The following ATXN7 variants were observed in gnomAD, a reference collection of about 807,000 sequenced individuals.
ATXN7 encodes ataxin 7.
In ATXN7, 12 loss-of-function variants were observed where a neutral mutation model predicts 70.5. The ratio of observed to expected loss-of-function variants is 0.17; its 90% CI spans 0.11 to 0.28. The LOEUF (loss-of-function observed/expected upper bound fraction) is 0.28. ATXN7 is among the 10% of genes least tolerant of loss of function. ATXN7 has a pLI of 1.00. For missense variants in ATXN7, 1,256 were observed against 1,131.7 expected, an observed-to-expected ratio of 1.11 and a Z score of -1.58; for synonymous variants, 498 against 448.7, an observed-to-expected ratio of 1.11 and a Z score of -1.39.
intron 1 of ATXN7, 143 bp from the exon 2 acceptor site, chr3:63,898,256 G>A (rs1575862389): frequency 6.6e-6 from 1 of 151,312 alleles, no homozygotes; most frequent in Non-Finnish European, 1.5e-5. Context: ...TAGTAAAATT[G>A]GTAAAATGTC....
chr3:63,925,468 T>C (rs1011198377), intron 4 of ATXN7, among the ~76,000 whole-genome samples: 6 of 152,142 alleles, frequency 3.9e-5, no homozygotes, highest in African/African-American at 1.4e-4. Flanking sequence ...CAAACTCTGT[T>C]GTGAACTGTC....
chr3:63,916,742 A>G (rs555709248), intron 4 of ATXN7, among the ~76,000 whole-genome samples: 1 of 152,378 alleles, frequency 6.6e-6, no homozygotes, highest in South Asian at 2.1e-4. Flanking sequence ...ATTTGGCACA[A>G]GTAGGCAAAT....
intron 1 of ATXN7, among the ~76,000 whole-genome samples, chr3:63,878,920 C>G (rs1259952752): frequency 6.6e-6 from 1 of 152,126 alleles, no homozygotes; most frequent in African/African-American, 2.4e-5. Context: ...TTTCCAGTGC[C>G]TTCTATTGGC....
At chr3:63,956,624 T>G (rs1363178756) in intron 5 of ATXN7, among the ~76,000 whole-genome samples, 1 of 152,086 alleles carries the variant, frequency 6.6e-6, no homozygotes, top group African/African-American at 2.4e-5. Flanking sequence ...ATCTGCATTC[T>G]AAACAGCTCC....
At chr3:63,973,132 T>C (rs1331729838) in intron 5 of ATXN7, among the ~76,000 whole-genome samples, 1 of 152,172 alleles carries the variant, frequency 6.6e-6, no homozygotes, top group Non-Finnish European at 1.5e-5. Flanking sequence ...GTCACCCAAT[T>C]AGTAACTGGC....
chr3:63,976,268 T>C (rs1412757093), intron 5 of ATXN7, among the ~76,000 whole-genome samples: 1 of 152,172 alleles, frequency 6.6e-6, no homozygotes, highest in East Asian at 1.9e-4. Flanking sequence ...CTACAATAAA[T>C]TTGGTTTTTC....
At chr3:63,916,072 G>A (rs1052816157) in intron 4 of ATXN7, among the ~76,000 whole-genome samples, 2 of 152,184 alleles carry the variant, frequency 1.3e-5, no homozygotes, top group Non-Finnish European at 2.9e-5. Flanking sequence ...GGGTTAGAAA[G>A]CCTGGATGTG....
chr3:63,986,405 A>G (rs1303960934), intron 8 of ATXN7, among the ~76,000 whole-genome samples: 1 of 152,176 alleles, frequency 6.6e-6, no homozygotes, highest in Non-Finnish European at 1.5e-5. Flanking sequence ...GGGAAAATGT[A>G]TCTGCCTGCT....
At chr3:63,902,161 C>T (rs924480592) in intron 2 of ATXN7, 1 of 152,158 alleles carries the variant, frequency 6.6e-6, no homozygotes, top group South Asian at 2.1e-4. Flanking sequence ...GTAAATCCAG[C>T]ACTTAGGGAG....
chr3:63,922,212 G>GT (rs1229548982), intron 4 of ATXN7, among the ~76,000 whole-genome samples: 1 of 151,796 alleles, frequency 6.6e-6, no homozygotes, highest in Admixed American at 6.6e-5. Context: ...GCTAATTTTT[G>GT]TATTTTGTTT....
At chr3:63,938,493 C>A (rs1471486237) in intron 4 of ATXN7, among the ~76,000 whole-genome samples, 1 of 152,152 alleles carries the variant, frequency 6.6e-6, no homozygotes, top group Non-Finnish European at 1.5e-5. Flanking sequence ...AAATCTCTCC[C>A]CTCCCCTTTC....
At position 63,980,014 on chromosome 3, in the gene ATXN7, C is replaced by G; in HGVS notation, c.599C>G (p.Ala200Gly). 6.2e-7 allele frequency: 1 copy of G among 1,614,162 alleles called. No homozygotes were observed. Among genetic ancestry groups the G allele is most frequent in the Non-Finnish European group, 8.5e-7 (1 of 1,180,024 alleles). Residue 200 changes from alanine (A) to glycine (G), a missense_variant, in exon 6 of 13, where the codon GCA becomes GGA. Coordinates refer to ENST00000674280, the MANE Select transcript of ATXN7 (RefSeq NM_001377405.1). ...CTGTCCAAAAGCAAAGGAGGCAGTG[C>G]AAGTGGAAGCAACCGTTCTTCCAGT... Reference protein sequence around the residue: ...PSLSKSKGGSASGSNRSSSGG... With the variant: ...PSLSKSKGGSGSGSNRSSSGG...
chr3:63,973,551 A>G (rs890109612), intron 5 of ATXN7, among the ~76,000 whole-genome samples: 1 of 152,122 alleles, frequency 6.6e-6, no homozygotes, highest in African/African-American at 2.4e-5. Context: ...TCTGCAAACC[A>G]GGGATGCCCG....
At chr3:63,921,263 A>G (rs764889191) in intron 4 of ATXN7, among the ~76,000 whole-genome samples, 3 of 152,184 alleles carry the variant, frequency 2.0e-5, no homozygotes, top group Non-Finnish European at 2.9e-5. Flanking sequence ...AACAGAAACT[A>G]TTTCCCTCCC....
intron 4 of ATXN7, among the ~76,000 whole-genome samples, chr3:63,935,365 C>T (rs934296165): frequency 6.6e-6 from 1 of 152,062 alleles, no homozygotes; most frequent in African/African-American, 2.4e-5. Context: ...AGTCTTATTT[C>T]CAAGATGCCT....
intron 6 of ATXN7, among the ~76,000 whole-genome samples, chr3:63,981,564 C>T (rs1205775636): frequency 2.0e-5 from 3 of 152,206 alleles, no homozygotes; most frequent in African/African-American, 7.2e-5. Flanking sequence ...GTTAATGGCA[C>T]AGGTATTCCC....
rs1373178389 is a variant in ATXN7 at position 63,863,953 on chromosome 3, G to GCCGCCC, written c.-311_-310insCCCGCC. The GCCGCCC allele has an allele frequency of 1.2e-5, 1 of 83,824 alleles. No individual in the cohort carries two copies. Among genetic ancestry groups the GCCGCCC allele is most frequent in the Admixed American group, 1.4e-4 (1 of 6,958 alleles). 5.2% of individuals were successfully genotyped at this position (83,824 alleles called of 1,614,324 possible). A position where few individuals can be genotyped will look rare whatever the true frequency, so the allele number is the denominator to read the frequency against. On this transcript the variant is annotated 5_prime_UTR_variant, in exon 1 of 13. Coordinates refer to ENST00000674280, the MANE Select transcript of ATXN7 (RefSeq NM_001377405.1). ...CGACGCCTGAGCCGCGCCGCGCCGC[G>GCCGCCC]CCGCCGCCGCCGCCGCCGCCGCCGC...
upstream of ATXN7, chr3:63,863,451 C>T (rs148334967): frequency 2.6e-4 from 292 of 1,137,344 alleles, no homozygotes; most frequent in African/African-American, 4.3e-3. Flanking sequence ...CGCTTCTAGC[C>T]GTCTCGGCCA....
intron 1 of ATXN7, among the ~76,000 whole-genome samples, chr3:63,870,885 G>C (rs1486799265): frequency 6.6e-6 from 1 of 152,096 alleles, no homozygotes; most frequent in Admixed American, 6.6e-5. Context: ...CTGGAGATTA[G>C]CTCTAGGATT....
Sources: gnomAD v4.1 joint callset for allele counts (sites outside exome capture counted in the v4.1 genomes callset) on GRCh38, gnomAD v4.1.1 for gene constraint, MANE v1.5 for transcripts, NCBI Gene and HGNC (gene_info 2026-07-23, HGNC 2026-07-21) for gene names.